Variants in TAFA1 observed in about 807,000 individuals in gnomAD.
The protein encoded by TAFA1 is chemokine-like protein TAFA-1.
In TAFA1, 4 loss-of-function variants were observed where a neutral mutation model predicts 18.5. That is an observed-to-expected ratio of 0.22 (90% CI 0.11 to 0.49). TAFA1 has a LOEUF of 0.49. Ranked by LOEUF, TAFA1 falls within the 20% of genes least tolerant of loss-of-function variation. The pLI, the probability that TAFA1 is intolerant of heterozygous loss-of-function variation, is 0.98. For missense variants in TAFA1, 147 were observed against 169.0 expected (o/e 0.87, Z 0.72); for synonymous variants, 56 against 55.2 (o/e 1.01, Z -0.06).
intron 2 of TAFA1, among the ~76,000 whole-genome samples, chr3:68,190,103 C>A (rs1443163370): frequency 6.6e-6 from 1 of 151,912 alleles, no homozygotes; most frequent in Non-Finnish European, 1.5e-5. Flanking sequence ...TCAGCCTGAT[C>A]TCTTTCTTGA....
chr3:68,167,464 C>A (rs12629045), intron 2 of TAFA1, among the ~76,000 whole-genome samples: 40 of 151,500 alleles, frequency 2.6e-4, no homozygotes, highest in African/African-American at 9.2e-4. Flanking sequence ...GTAGTCCCAG[C>A]TACTCGGGAG....
intron 2 of TAFA1, among the ~76,000 whole-genome samples, chr3:68,087,850 T>A (rs6792054): frequency 0.03 from 4,539 of 151,926 alleles, 230 homozygotes; most frequent in African/African-American, 0.1. Flanking sequence ...ATTGGAATTT[T>A]TATATTTAAA....
At chr3:68,158,150 C>G (rs886350645) in intron 2 of TAFA1, among the ~76,000 whole-genome samples, 2 of 152,118 alleles carry the variant, frequency 1.3e-5, no homozygotes, top group African/African-American at 4.8e-5. Flanking sequence ...GCCTGACAGT[C>G]CCAGATTGAG....
chr3:68,154,375 T>C (rs930312277), intron 2 of TAFA1, among the ~76,000 whole-genome samples: 36 of 152,180 alleles, frequency 2.4e-4, no homozygotes, highest in African/African-American at 8.4e-4. Context: ...ATAAATGTAA[T>C]TTCCCAGTGT....
intron 2 of TAFA1, among the ~76,000 whole-genome samples, chr3:68,114,751 TGA>T (rs1336898940): frequency 2.6e-5 from 4 of 152,296 alleles, no homozygotes; most frequent in Non-Finnish European, 5.9e-5. Context: ...GAAATATATA[TGA>T]GTGTTCATAT....
At chr3:68,364,182 C>A (rs1349499070) in intron 2 of TAFA1, among the ~76,000 whole-genome samples, 1 of 152,142 alleles carries the variant, frequency 6.6e-6, no homozygotes, top group Non-Finnish European at 1.5e-5. Flanking sequence ...AGCTTTAAGT[C>A]AGCACTTAGG....
At chr3:68,254,711 G>T (rs1201853768) in intron 2 of TAFA1, among the ~76,000 whole-genome samples, 1 of 152,054 alleles carries the variant, frequency 6.6e-6, no homozygotes, top group Non-Finnish European at 1.5e-5. Flanking sequence ...TTTAACAGTA[G>T]ACCTACCACA....
chr3:68,138,729 A>T (rs528792777), intron 2 of TAFA1, among the ~76,000 whole-genome samples: 5 of 152,214 alleles, frequency 3.3e-5, no homozygotes, highest in Non-Finnish European at 7.3e-5. Flanking sequence ...TAAAATAACT[A>T]GTATAAAGCA....
chr3:68,472,896 A>G (rs980624866), intron 3 of TAFA1, among the ~76,000 whole-genome samples: 11 of 152,220 alleles, frequency 7.2e-5, no homozygotes, highest in African/African-American at 2.7e-4. Flanking sequence ...GCAGAAATAT[A>G]GAAGGCACTC....
intron 2 of TAFA1, among the ~76,000 whole-genome samples, chr3:68,300,231 A>G (rs917924588): frequency 6.6e-6 from 1 of 151,926 alleles, no homozygotes. Context: ...CTGAGGCTGT[A>G]GGAGCCCACC....
chr3:68,253,812 TA>T (rs2067241933), intron 2 of TAFA1, among the ~76,000 whole-genome samples: 1 of 152,182 alleles, frequency 6.6e-6, no homozygotes, highest in Non-Finnish European at 1.5e-5. Flanking sequence ...TAGTATGTTT[TA>T]AATAACAAGG....
At chr3:68,034,719 T>C (rs1705009179) in intron 2 of TAFA1, among the ~76,000 whole-genome samples, 1 of 152,114 alleles carries the variant, frequency 6.6e-6, no homozygotes, top group Non-Finnish European at 1.5e-5. Flanking sequence ...GGGACTCTTC[T>C]GTCCTTGTCT....
chr3:68,152,427 C>A (rs886520349), intron 2 of TAFA1, among the ~76,000 whole-genome samples: 4 of 152,104 alleles, frequency 2.6e-5, no homozygotes, highest in Non-Finnish European at 4.4e-5. Flanking sequence ...AGTGATAGTG[C>A]TGTAAAACCC....
At chr3:67,997,031 T>C in the TAFA1 span, among the ~76,000 whole-genome samples, 3 of 151,562 alleles carry the variant, frequency 2.0e-5, no homozygotes, top group Non-Finnish European at 4.4e-5. Context: ...CCATAGAGAA[T>C]GACATCAAGA....
intron 3 of TAFA1, among the ~76,000 whole-genome samples, chr3:68,444,354 G>C (rs935349745): frequency 2.0e-5 from 3 of 152,194 alleles, no homozygotes; most frequent in African/African-American, 7.2e-5. Context: ...TAATTCCCTA[G>C]AGTCCTCAAG....
At chr3:68,206,305 A>G (rs935653021) in intron 2 of TAFA1, among the ~76,000 whole-genome samples, 1 of 151,924 alleles carries the variant, frequency 6.6e-6, no homozygotes, top group Non-Finnish European at 1.5e-5. Flanking sequence ...TAGAATAACA[A>G]CCAATGGCAA....
chr3:68,056,951 C>A (rs1346643188), intron 2 of TAFA1, among the ~76,000 whole-genome samples: 1 of 152,048 alleles, frequency 6.6e-6, no homozygotes, highest in African/African-American at 2.4e-5. Flanking sequence ...CATTTGTGAC[C>A]CCTGTTAAGT....
Position 68,367,243 on chromosome 3 carries a change from C to G in TAFA1, c.119-50037C>G, listed in dbSNP as rs538664155. On this transcript the variant is annotated intron_variant, in intron 2 of 4. Coordinates refer to ENST00000478136, the MANE Select transcript of TAFA1 (RefSeq NM_213609.4). ...TCTTCAAGTGTAACGTAATCTACGT[C>G]CCTCATTGGAAATCAGAATTCTTGT... Among the ~76,000 whole-genome samples, 9 of 152,294 alleles carry G rather than the reference C, an allele frequency of 5.9e-5. No individual in the cohort carries two copies. In the South Asian group the frequency reaches 1.5e-3, roughly 25 times the overall value.
At chr3:68,340,378 A>T (rs1218669330) in intron 2 of TAFA1, among the ~76,000 whole-genome samples, 1 of 152,252 alleles carries the variant, frequency 6.6e-6, no homozygotes, top group Non-Finnish European at 1.5e-5. Context: ...GTTGCATTGG[A>T]GAATGTACTT....
Sources: gnomAD v4.1 joint callset for allele counts (sites outside exome capture counted in the v4.1 genomes callset) on GRCh38, gnomAD v4.1.1 for gene constraint, MANE v1.5 for transcripts, NCBI Gene and HGNC (gene_info 2026-07-23, HGNC 2026-07-21) for gene names.